The following GOLGA1 variants were observed in gnomAD, a reference collection of about 807,000 sequenced individuals.
GOLGA1 encodes the protein golgin A1.
A neutral mutation model predicts 119.7 loss-of-function variants in GOLGA1; 63 were observed. The ratio of observed to expected loss-of-function variants is 0.53; its 90% CI spans 0.43 to 0.65. The LOEUF (loss-of-function observed/expected upper bound fraction) is 0.65. Among genes scored for constraint, GOLGA1 ranks in the 30% least tolerant of loss-of-function variants. The pLI, the probability that GOLGA1 is intolerant of heterozygous loss-of-function variation, is 0.00. For synonymous variants in GOLGA1, 318 were observed against 333.4 expected (o/e 0.95, Z 0.50); for missense variants, 798 against 912.8 (o/e 0.87, Z 1.62).
chr9:124,932,004 A>G (rs992043093), intron 3 of GOLGA1, among the ~76,000 whole-genome samples: 3 of 152,220 alleles, frequency 2.0e-5, no homozygotes, highest in African/African-American at 7.2e-5. Flanking sequence ...CACTGCTTGC[A>G]ATTGCTAATA....
rs762859955 is a variant in GOLGA1, at chr9:124,938,753, TA to T, written c.-43del. The stretch of plus-strand genomic sequence containing the variant: ...TCCTGCACAGATGACGAGCTCTCAG[TA>T]GTCCTGGTGCCTGTGTTCAGGATTC... On this transcript the variant is annotated 5_prime_UTR_variant, in exon 3 of 23. Coordinates refer to ENST00000373555, the MANE Select transcript of GOLGA1 (RefSeq NM_002077.4). The T allele has an allele frequency of 1.1e-4, 179 of 1,576,678 alleles. No individual in the cohort carries two copies. In the African/African-American group the frequency reaches 2.4e-3, roughly 21 times the overall value.
chr9:124,902,273 A>AAG lies in GOLGA1; in HGVS notation c.1066-1727_1066-1726insCT, dbSNP rs1830124304. Among the ~76,000 whole-genome samples, 3 of 151,326 alleles carry AAG rather than the reference A, an allele frequency of 2.0e-5. No individual in the cohort carries two copies. The South Asian group carries it at 6.3e-4, about 32-fold the overall frequency. The stretch of plus-strand genomic sequence containing the variant: ...ACTACAGGCAACTGCCACCATACCC[A>AAG]GCTAATTTTTTCTATTTTTTAGTAG... On this transcript the variant is annotated intron_variant, in intron 12 of 22. Coordinates refer to ENST00000373555, the MANE Select transcript of GOLGA1 (RefSeq NM_002077.4).
chr9:124,923,152 A>G lies in GOLGA1; in HGVS notation c.504T>C (p.Asp168=). 1 of 1,604,560 alleles carries G rather than the reference A, an allele frequency of 6.2e-7. No individual in the cohort carries two copies. Among genetic ancestry groups the G allele is most frequent in the Non-Finnish European group, 8.5e-7 (1 of 1,172,214 alleles). ...NQSMNLFQRR[D]EMDELEGFQQ... ...GGAACCCCTCTAATTCATCCATTTC[A>G]TCTCTCCTTTGGAAAAGATTCATAC... The change falls in exon 8 of 23, where the codon GAT becomes GAC. Residue 168 remains aspartate (D), a synonymous_variant. Coordinates refer to ENST00000373555, the MANE Select transcript of GOLGA1 (RefSeq NM_002077.4).
chr9:124,905,420 C>T (rs1346984651), intron 12 of GOLGA1, among the ~76,000 whole-genome samples: 2 of 152,044 alleles, frequency 1.3e-5, no homozygotes, highest in Non-Finnish European at 2.9e-5. Context: ...CGAGATCATG[C>T]CACTGCACTC....
Position 124,881,711 on chromosome 9 carries a change from G to T in GOLGA1, c.2136+73C>A. 3 of 959,168 alleles carry T rather than the reference G, an allele frequency of 3.1e-6. No homozygotes were observed. The highest frequency in any genetic ancestry group is 1.6e-5 in the South Asian group (1 of 61,508). 59.4% of individuals were successfully genotyped at this position (959,168 alleles called of 1,614,324 possible). A position where few individuals can be genotyped will look rare whatever the true frequency, so the allele number is the denominator to read the frequency against. On this transcript the variant is annotated intron_variant, in intron 21 of 22. Coordinates refer to ENST00000373555, the MANE Select transcript of GOLGA1 (RefSeq NM_002077.4). The surrounding 1 kb of genome is among the most constrained non-coding windows in gnomAD (Gnocchi z 4.9). ...TACGAGGAAAAGAGAGAAAGGGGCTGGGCAGGGGTCCCTGCAGGACAGACT... is the reference window on the plus strand; with the variant it reads ...TACGAGGAAAAGAGAGAAAGGGGCTTGGCAGGGGTCCCTGCAGGACAGACT...
At chr9:124,902,772 A>G (rs1830138563) in intron 12 of GOLGA1, among the ~76,000 whole-genome samples, 1 of 152,208 alleles carries the variant, frequency 6.6e-6, no homozygotes, top group Admixed American at 6.5e-5. Context: ...TACAGGCATG[A>G]GCCACCGTGT....
intron 8 of GOLGA1, among the ~76,000 whole-genome samples, 158 bp downstream of exon 8, chr9:124,922,937 T>C (rs1167014430): frequency 2.6e-5 from 4 of 152,172 alleles, no homozygotes; most frequent in Non-Finnish European, 5.9e-5. Context: ...TTTTCTATTT[T>C]AATAAATTTA....
At position 124,879,309 on chromosome 9, in the gene GOLGA1, CTT is replaced by C. The variant is rs936085169; in HGVS notation, c.*1219_*1220del. 6.6e-6 allele frequency: 1 copy of C among 152,168 alleles called. No homozygotes were observed. The highest frequency in any genetic ancestry group is 1.5e-5 in the Non-Finnish European group (1 of 68,036). 9.4% of individuals were successfully genotyped at this position (152,168 alleles called of 1,614,324 possible). On this transcript the variant is annotated 3_prime_UTR_variant, in exon 23 of 23. Coordinates refer to ENST00000373555, the MANE Select transcript of GOLGA1 (RefSeq NM_002077.4). ...GGCTTTTCCAGAACCAGCATGTTCC[CTT>C]TCCTCAGTAAACGAGGAATCCATAA...
At chr9:124,939,226 C>T (rs1210549755) in intron 2 of GOLGA1, among the ~76,000 whole-genome samples, 1 of 152,034 alleles carries the variant, frequency 6.6e-6, no homozygotes, top group Non-Finnish European at 1.5e-5. Context: ...ATCATATATT[C>T]ATGACTTAAT....
chr9:124,925,793 G>C (rs1245192558), intron 7 of GOLGA1, among the ~76,000 whole-genome samples: 1 of 151,660 alleles, frequency 6.6e-6, no homozygotes, highest in East Asian at 1.9e-4. Flanking sequence ...GGTGTTTTAT[G>C]GAAAAAAAAT....
intron 11 of GOLGA1, among the ~76,000 whole-genome samples, chr9:124,909,488 G>A (rs1300938678): frequency 1.3e-5 from 2 of 151,068 alleles, no homozygotes; most frequent in Non-Finnish European, 2.9e-5. Context: ...TGCACCTGTA[G>A]TCCCAGCTAC....
Position 124,938,827 on chromosome 9 carries a change from C to G in GOLGA1, c.-116G>C, listed in dbSNP as rs927301875. The G allele has an allele frequency of 2.9e-5, 23 of 779,770 alleles. No individual in the cohort carries two copies. In the East Asian group the frequency reaches 5.7e-4, roughly 19 times the overall value. 48.3% of individuals were successfully genotyped at this position (779,770 alleles called of 1,614,324 possible). A position where few individuals can be genotyped will look rare whatever the true frequency, so the allele number is the denominator to read the frequency against. ...TCAGACATCCAAGCTAGCTGCATTC[C>G]CACTTAAATGTGGGCCAAGGGCTTA... On this transcript the variant is annotated 5_prime_UTR_variant, in exon 3 of 23. Coordinates refer to ENST00000373555, the MANE Select transcript of GOLGA1 (RefSeq NM_002077.4).
chr9:124,908,395 A>G lies in GOLGA1; in HGVS notation c.1047T>C (p.Ile349=). ...TCAGTACCCGAGTCTCCAGGGTGTT[A>G]ATGGCCTTAGCCTGGCTGCTTCTGG... ...LAARSSQAKA[I]NTLETRVREL... The change falls in exon 12 of 23, where the codon ATT becomes ATC. Residue 349 remains isoleucine (I), a synonymous_variant. Coordinates refer to ENST00000373555, the MANE Select transcript of GOLGA1 (RefSeq NM_002077.4). 1 of 1,601,078 alleles carries G rather than the reference A, an allele frequency of 6.2e-7. No homozygotes were observed. The highest frequency in any genetic ancestry group is 8.6e-7 in the Non-Finnish European group (1 of 1,168,002).
At chr9:124,934,875 C>T (rs567643119) in intron 3 of GOLGA1, among the ~76,000 whole-genome samples, 14 of 152,120 alleles carry the variant, frequency 9.2e-5, no homozygotes, top group Admixed American at 3.9e-4. Flanking sequence ...GGCAAAACTC[C>T]GTCGCTACAA....
At chr9:124,924,338 T>TTAAA (rs1830630188) in intron 7 of GOLGA1, among the ~76,000 whole-genome samples, 2 of 152,178 alleles carry the variant, frequency 1.3e-5, no homozygotes, top group Admixed American at 1.3e-4. Flanking sequence ...TTACAATTTA[T>TTAAA]TAAATGATCA....
At chr9:124,916,877 C>CAAAAAAAAAAAAAAAAAAAA (rs71494043) in intron 10 of GOLGA1, among the ~76,000 whole-genome samples, 10 of 41,214 alleles carry the variant, frequency 2.4e-4, no homozygotes, top group African/African-American at 5.4e-4. Context: ...CCCTGACACA[C>CAAAAAAAAAAAAAAAAAAAA]AAAAAAAAAA....
Position 124,889,227 on chromosome 9 carries a change from C to A in GOLGA1, c.1677G>T (p.Glu559Asp). ...CCTCCTGCTCCGCGACCACTGCAGC[C>A]TCCTCCGCCTTGAGGGTCCTCAGGG... ...LEALRTLKAE[E>D]AAVVAEQEDL... is the part of the protein sequence containing the mutation. The change falls in exon 18 of 23, where the codon GAG (glutamate) becomes GAT (aspartate). Residue 559 changes from glutamate (E) to aspartate (D), a missense_variant. Glu to Asp is a conservative substitution (Grantham distance 45, BLOSUM62 2). Coordinates refer to ENST00000373555, the MANE Select transcript of GOLGA1 (RefSeq NM_002077.4). 1 of 1,613,702 alleles carries A rather than the reference C, an allele frequency of 6.2e-7. No individual in the cohort carries two copies. Among genetic ancestry groups the A allele is most frequent in the Non-Finnish European group, 8.5e-7 (1 of 1,179,978 alleles).
At position 124,929,258 on chromosome 9, in the gene GOLGA1, T is replaced by G. The variant is rs770511231; in HGVS notation, c.259A>C (p.Ile87Leu). 6.2e-7 allele frequency: 1 copy of G among 1,611,144 alleles called. No homozygotes were observed. Among genetic ancestry groups the G allele is most frequent in the South Asian group, 1.1e-5 (1 of 91,004 alleles). Residue 87 changes from isoleucine (I) to leucine (L), a missense_variant, in exon 5 of 23, where the codon ATA (isoleucine) becomes CTA (leucine). Coordinates refer to ENST00000373555, the MANE Select transcript of GOLGA1 (RefSeq NM_002077.4). ...AATGCAATTTCAAGCTTCTCTTTTATCTTCTGCAAGTTTCGGACCTGTTCA... is the reference window on the plus strand; with the variant it reads ...AATGCAATTTCAAGCTTCTCTTTTAGCTTCTGCAAGTTTCGGACCTGTTCA... ...YAEQVRNLQK[I>L]KEKLEIALEK...
chr9:124,946,751 T>A lies in GOLGA1; in HGVS notation c.-156+1167A>T, dbSNP rs1831150056. The A allele has an allele frequency of 6.6e-6, 1 of 152,204 alleles. No homozygotes were observed. The highest frequency in any genetic ancestry group is 1.5e-5 in the Non-Finnish European group (1 of 68,032). 9.4% of individuals were successfully genotyped at this position (152,204 alleles called of 1,614,324 possible). A position where few individuals can be genotyped will look rare whatever the true frequency, so the allele number is the denominator to read the frequency against. On this transcript the variant is annotated intron_variant, in intron 1 of 4. Coordinates refer to the GOLGA1 transcript ENST00000421514. This position sits in a 1 kb window ranked among gnomAD's most constrained non-coding sequence, Gnocchi z 4.0. ...TTTATAGCACACCATGCATCTAATA[T>A]TAAAAACTCTACTTCATGTGCGAAT... is the stretch of plus-strand genomic sequence containing the variant.
Sources: gnomAD v4.1 joint callset for allele counts (sites outside exome capture counted in the v4.1 genomes callset) on GRCh38, gnomAD v4.1.1 for gene constraint, Gnocchi (gnomAD v3.1) non-coding constraint, MANE v1.5 for transcripts, NCBI Gene and HGNC (gene_info 2026-07-23, HGNC 2026-07-21) for gene names.